GPHN: variants seen among roughly 807,000 people sequenced by gnomAD.
The protein encoded by GPHN is gephyrin.
In GPHN, 17 loss-of-function variants were observed where a neutral mutation model predicts 95.5. The ratio of observed to expected loss-of-function variants is 0.18; its 90% confidence interval spans 0.12 to 0.27. The LOEUF (loss-of-function observed/expected upper bound fraction) is 0.27, where lower values mean the gene tolerates loss of function less well. Ranked by LOEUF, GPHN falls within the 10% of genes least tolerant of loss-of-function variation. The pLI, the probability that GPHN is intolerant of heterozygous loss-of-function variation, is 1.00. For synonymous variants in GPHN, 320 were observed against 322.5 expected, an observed-to-expected ratio of 0.99 and a Z score of 0.08; for missense variants, 660 against 978.1, an observed-to-expected ratio of 0.67 and a Z score of 4.34.
At chr14:66,675,785 TG>T (rs2066551914) in intron 1 of GPHN, among the ~76,000 whole-genome samples, 1 of 152,176 alleles carries the variant, frequency 6.6e-6, no homozygotes, top group Admixed American at 6.5e-5. Context: ...TTGATTTTTG[TG>T]GTGAGAAGGA....
At chr14:67,633,846 C>T in the GPHN span, among the ~76,000 whole-genome samples, 1 of 152,226 alleles carries the variant, frequency 6.6e-6, no homozygotes, top group African/African-American at 2.4e-5. Flanking sequence ...TTCCTCCTCT[C>T]TTATTCCTGG....
At chr14:67,124,138 G>T (rs2079165652) in intron 17 of GPHN, among the ~76,000 whole-genome samples, 1 of 152,132 alleles carries the variant, frequency 6.6e-6, no homozygotes, top group Non-Finnish European at 1.5e-5. Context: ...AGGAGTGGTG[G>T]CTCACACCTG....
chr14:67,017,307 T>TTTAAGAAGTA (rs1555464927), intron 9 of GPHN, among the ~76,000 whole-genome samples: 1 of 152,134 alleles, frequency 6.6e-6, no homozygotes, highest in Non-Finnish European at 1.5e-5. Flanking sequence ...TCCATTTGTG[T>TTTAAGAAGTA]TTAAGAAGTA....
At chr14:66,996,071 A>G in intron 9 of GPHN, 7 of 716,300 alleles carry the variant, frequency 9.8e-6, no homozygotes, top group Non-Finnish European at 1.7e-5. Context: ...CTGTTTTATT[A>G]TCTGGCCAAG....
intron 21 of GPHN, among the ~76,000 whole-genome samples, chr14:67,173,138 C>A (rs2082695907): frequency 6.6e-6 from 1 of 152,102 alleles, no homozygotes; most frequent in Non-Finnish European, 1.5e-5. Context: ...AAAACTACCA[C>A]AGGAAAAAAA....
At chr14:66,611,181 A>AT (rs1232722694) in intron 1 of GPHN, among the ~76,000 whole-genome samples, 1 of 152,068 alleles carries the variant, frequency 6.6e-6, no homozygotes, top group South Asian at 2.1e-4. Context: ...TATGCAGGGG[A>AT]TTTTTTACTA....
At chr14:66,805,054 C>T (rs2060493867) in intron 3 of GPHN, among the ~76,000 whole-genome samples, 1 of 152,172 alleles carries the variant, frequency 6.6e-6, no homozygotes, top group Non-Finnish European at 1.5e-5. Context: ...TAAAGACATA[C>T]CTCAGACTGG....
chr14:66,937,274 C>T (rs2067178437), intron 8 of GPHN, among the ~76,000 whole-genome samples: 1 of 152,174 alleles, frequency 6.6e-6, no homozygotes, highest in South Asian at 2.1e-4. Context: ...AAAGTGTTAG[C>T]ATTACAGGCA....
the GPHN span, among the ~76,000 whole-genome samples, chr14:67,257,582 A>G: frequency 3.3e-5 from 5 of 152,244 alleles, no homozygotes; most frequent in East Asian, 7.7e-4. Context: ...TTCATAATAA[A>G]TGCTCAACAG....
At chr14:67,284,759 A>G in the GPHN span, among the ~76,000 whole-genome samples, 2 of 151,880 alleles carry the variant, frequency 1.3e-5, no homozygotes, top group East Asian at 3.8e-4. Flanking sequence ...CTCTTTTGTG[A>G]CTGGCCTCTT....
the GPHN span, among the ~76,000 whole-genome samples, chr14:67,672,924 T>C: frequency 1.3e-5 from 2 of 152,212 alleles, no homozygotes; most frequent in Non-Finnish European, 2.9e-5. Flanking sequence ...ACATGGAACT[T>C]CCTGCTCTTC....
At chr14:66,658,679 C>T (rs886710347) in intron 1 of GPHN, among the ~76,000 whole-genome samples, 6 of 152,064 alleles carry the variant, frequency 3.9e-5, no homozygotes, top group African/African-American at 9.7e-5. Flanking sequence ...ATTTTGAAAA[C>T]GTAATCCTAT....
At chr14:67,678,166 T>C in the GPHN span, 1 of 581,504 alleles carries the variant, frequency 1.7e-6, no homozygotes, top group South Asian at 2.0e-5. Flanking sequence ...AATCTGGCAG[T>C]ACACTGAGTT....
intron 10 of GPHN, among the ~76,000 whole-genome samples, chr14:67,026,450 A>G (rs1028836597): frequency 1.4e-4 from 22 of 152,278 alleles, no homozygotes; most frequent in Middle Eastern, 3.4e-3. Flanking sequence ...ACTTTTCTAC[A>G]TGGTTCATCC....
chr14:67,722,520 C>A, the GPHN span: 1 of 827,318 alleles, frequency 1.2e-6, no homozygotes, highest in Non-Finnish European at 2.2e-6. Context: ...GCACCCAGGA[C>A]GGAGAGGAGC....
At chr14:66,931,116 C>T (rs149744367) in intron 8 of GPHN, among the ~76,000 whole-genome samples, 1,831 of 150,730 alleles carry the variant, frequency 0.012, 18 homozygotes, top group Non-Finnish European at 0.018. Flanking sequence ...GACATTTTCA[C>T]AGGATATAAT....
intron 1 of GPHN, among the ~76,000 whole-genome samples, chr14:66,674,162 G>A (rs368050192): frequency 3.3e-5 from 5 of 150,658 alleles, no homozygotes; most frequent in Admixed American, 6.6e-5. Context: ...GCAGTGGTGC[G>A]ATCTCGGCTC....
At chr14:67,174,850 A>G (rs2082829728) in intron 21 of GPHN, among the ~76,000 whole-genome samples, 2 of 151,932 alleles carry the variant, frequency 1.3e-5, no homozygotes, top group Middle Eastern at 6.8e-3. Context: ...GCATTTTTTC[A>G]TATGTCTATT....
intron 6 of GPHN, 26 bp from the exon 7 acceptor site, chr14:66,922,640 T>C: frequency 6.4e-7 from 1 of 1,551,402 alleles, no homozygotes; most frequent in Non-Finnish European, 8.8e-7. Context: ...TTCATCTTAA[T>C]TTTTTTTTCT....
Sources: allele counts gnomAD v4.1 joint callset (sites outside exome capture counted in the v4.1 genomes callset), GRCh38; gene constraint gnomAD v4.1.1; transcripts MANE v1.5; gene names NCBI Gene and HGNC (gene_info 2026-07-23, HGNC 2026-07-21).